CDKL3: variants seen among roughly 807,000 people sequenced by gnomAD.
The protein encoded by CDKL3 is cyclin-dependent kinase-like 3.
A neutral mutation model predicts 69.3 loss-of-function variants in CDKL3; 65 were observed. That is an observed-to-expected ratio of 0.94 (90% CI 0.77 to 1.15). CDKL3 has a LOEUF of 1.15. Ranked by LOEUF, CDKL3 falls within the 50% of genes most tolerant of loss-of-function variation. CDKL3 has a pLI of 0.00. For missense variants in CDKL3, 652 were observed against 689.2 expected (o/e 0.95, Z 0.61); for synonymous variants, 202 against 221.6 (o/e 0.91, Z 0.79).
At chr5:134,367,267 A>T (rs953207541), upstream of CDKL3, 5 of 985,120 alleles carry the variant, frequency 5.1e-6, no homozygotes, top group Admixed American at 1.2e-4. Context: ...GCAAGGTGGA[A>T]GAGTGCTGTG....
chr5:134,320,009 A>AT (rs1250777080), intron 5 of CDKL3, among the ~76,000 whole-genome samples: 7 of 152,184 alleles, frequency 4.6e-5, no homozygotes, highest in Non-Finnish European at 1.5e-5. Context: ...CAGTTTTGCT[A>AT]TAACTAGTTC....
chr5:134,286,854 G>A (rs1228148285), intron 8 of CDKL3, among the ~76,000 whole-genome samples: 1 of 152,148 alleles, frequency 6.6e-6, no homozygotes, highest in African/African-American at 2.4e-5. Flanking sequence ...AGATTTGTGT[G>A]GGGACACAGC....
intron 12 of CDKL3, chr5:134,302,237 G>A (rs1561497772): frequency 2.2e-6 from 1 of 457,782 alleles, no homozygotes; most frequent in Non-Finnish European, 4.4e-6. Context: ...GGAAGGAAGA[G>A]GCTTAAAGGC....
chr5:134,288,438 T>G (rs1764974804), intron 8 of CDKL3, among the ~76,000 whole-genome samples: 1 of 152,190 alleles, frequency 6.6e-6, no homozygotes, highest in Admixed American at 6.5e-5. Context: ...GTAAATGCCA[T>G]GTTTTTTCTT....
chr5:134,303,674 C>G (rs542068507), intron 11 of CDKL3, among the ~76,000 whole-genome samples: 8 of 151,236 alleles, frequency 5.3e-5, no homozygotes, highest in East Asian at 2.0e-4. Context: ...TGGAACCCCC[C>G]CCCCGTCTCT....
chr5:134,349,260 A>G (rs1752664367), intron 4 of CDKL3, among the ~76,000 whole-genome samples: 1 of 152,180 alleles, frequency 6.6e-6, no homozygotes, highest in Non-Finnish European at 1.5e-5. Context: ...AAGGCACAAG[A>G]ATTATCCTCC....
chr5:134,292,580 G>A (rs1184089753), intron 8 of CDKL3, among the ~76,000 whole-genome samples: 1 of 151,446 alleles, frequency 6.6e-6, no homozygotes, highest in Non-Finnish European at 1.5e-5. Flanking sequence ...TAAATAGAAA[G>A]AAGAAATAAT....
intron 10 of CDKL3, 77 bp downstream of exon 10, chr5:134,306,532 G>T: frequency 2.4e-6 from 2 of 850,758 alleles, no homozygotes. Context: ...AAGTATTAGA[G>T]CCCTAAAGAT....
In CDKL3 at chr5:134,298,626, T is replaced by C; in HGVS notation, c.*25A>G. 1 of 1,605,914 alleles carries C rather than the reference T, an allele frequency of 6.2e-7. No individual in the cohort carries two copies. The highest frequency in any genetic ancestry group is 1.1e-5 in the South Asian group (1 of 88,728). ...CGGGAAGAGTTGTCATCTTGTATTT[T>C]TTGGACTATGTAAAAGAAAAGACAC... On this transcript the variant is annotated 3_prime_UTR_variant, in exon 13 of 13. Coordinates refer to ENST00000265334, the MANE Select transcript of CDKL3 (RefSeq NM_001113575.2).
intron 4 of CDKL3, among the ~76,000 whole-genome samples, chr5:134,326,817 G>GTATATATA (rs1164800558): frequency 8.3e-6 from 1 of 120,490 alleles, no homozygotes; most frequent in African/African-American, 3.6e-5. Context: ...ATATGTGTGT[G>GTATATATA]TATATATATA....
chr5:134,324,005 GA>G (rs1226857372), intron 4 of CDKL3, among the ~76,000 whole-genome samples: 4 of 151,930 alleles, frequency 2.6e-5, no homozygotes, highest in Non-Finnish European at 5.9e-5. Context: ...AATTCAATAA[GA>G]AAATAACCCA....
rs35687772 is a variant in CDKL3, at chr5:134,308,321, A to G, written c.1181T>C (p.Met394Thr). The G allele has an allele frequency of 2.3e-3, 3,714 of 1,613,974 alleles. 6 individuals are homozygous for G. The highest frequency in any genetic ancestry group is 2.6e-3 in the Non-Finnish European group (3,078 of 1,179,868). ...QQDANENVHP[M>T]SPDTKLVTIE... ...GGTTACAAGTTTTGTATCTGGAGAC[A>G]TAGGATGAACATTTTCATTTGCATC... Residue 394 changes from methionine (M) to threonine (T), a missense_variant, in exon 9 of 13, where the codon ATG (methionine) becomes ACG (threonine). Met to Thr is a moderately conservative substitution (Grantham distance 81, BLOSUM62 -1). Coordinates refer to ENST00000265334, the MANE Select transcript of CDKL3 (RefSeq NM_001113575.2).
At chr5:134,309,393 A>G (rs559821580) in intron 7 of CDKL3, among the ~76,000 whole-genome samples, 2 of 152,334 alleles carry the variant, frequency 1.3e-5, no homozygotes, top group African/African-American at 4.8e-5. Context: ...GTGGTTCTTT[A>G]AAGTAATAGA....
chr5:134,347,390 C>T (rs1752166187), intron 4 of CDKL3, among the ~76,000 whole-genome samples: 1 of 152,078 alleles, frequency 6.6e-6, no homozygotes, highest in Non-Finnish European at 1.5e-5. Context: ...ACAATTCTAA[C>T]TCCTAAGTAT....
intron 3 of CDKL3, 146 bp downstream of exon 3, chr5:134,359,751 C>T (rs1049220751): frequency 1.7e-5 from 11 of 631,454 alleles, no homozygotes; most frequent in Non-Finnish European, 2.9e-5. Context: ...AGGTAGTGCC[C>T]CCTATTCCCT....
intron 2 of CDKL3, among the ~76,000 whole-genome samples, chr5:134,365,710 T>C (rs1378395073): frequency 6.6e-6 from 1 of 152,182 alleles, no homozygotes; most frequent in African/African-American, 2.4e-5. Flanking sequence ...CAATTTACTG[T>C]TCTAATATAC....
chr5:134,326,866 T>TATATATATATAC (rs1561563782), intron 4 of CDKL3, among the ~76,000 whole-genome samples: 2 of 98,238 alleles, frequency 2.0e-5, no homozygotes, highest in African/African-American at 5.9e-5. Context: ...TATATATATA[T>TATATATATATAC]ACACACACAC....
At chr5:134,361,973 C>T (rs1309480641) in intron 2 of CDKL3, among the ~76,000 whole-genome samples, 3 of 152,088 alleles carry the variant, frequency 2.0e-5, no homozygotes, top group African/African-American at 7.2e-5. Context: ...GGTTTCCTGT[C>T]CAGTCTTTAT....
At chr5:134,315,638 G>C (rs1269539955) in intron 6 of CDKL3, among the ~76,000 whole-genome samples, 5 of 151,992 alleles carry the variant, frequency 3.3e-5, no homozygotes, top group South Asian at 2.1e-4. Flanking sequence ...CTGGCCTAAG[G>C]ATTCTTTAAA....
Sources: allele counts gnomAD v4.1 joint callset (sites outside exome capture counted in the v4.1 genomes callset), GRCh38; gene constraint gnomAD v4.1.1; transcripts MANE v1.5; gene names NCBI Gene and HGNC (gene_info 2026-07-23, HGNC 2026-07-21).